Variants in ANGPT1 observed in about 807,000 individuals in gnomAD.
The protein encoded by ANGPT1 is angiopoietin 1, also known as angiopoietin-1.
A neutral mutation model predicts 62.2 loss-of-function variants in ANGPT1; 17 were observed. The observed-to-expected ratio is 0.27, with a 90% confidence interval of 0.19 to 0.41. The LOEUF is 0.41. Among genes scored for constraint, ANGPT1 ranks in the 10% least tolerant of loss-of-function variants. The pLI, the probability that ANGPT1 is intolerant of heterozygous loss-of-function variation, is 1.00. For missense variants in ANGPT1, 478 were observed against 594.9 expected (o/e 0.80, Z 2.04); for synonymous variants, 199 against 198.9 (o/e 1.00, Z 0.00).
intron 6 of ANGPT1, among the ~76,000 whole-genome samples, chr8:107,286,082 ATTC>A (rs1453811620): frequency 2.0e-5 from 3 of 152,144 alleles, no homozygotes; most frequent in African/African-American, 4.8e-5. Flanking sequence ...TTAAAGCACA[ATTC>A]TTGTTGTAGA....
At chr8:107,262,928 T>C (rs527817086) in intron 8 of ANGPT1, among the ~76,000 whole-genome samples, 1 of 152,366 alleles carries the variant, frequency 6.6e-6, no homozygotes, top group East Asian at 1.9e-4. Flanking sequence ...CATTTATAAC[T>C]CTTATTAATA....
At chr8:107,446,714 T>G (rs190860319) in intron 1 of ANGPT1, among the ~76,000 whole-genome samples, 1 of 152,182 alleles carries the variant, frequency 6.6e-6, no homozygotes, top group African/African-American at 2.4e-5. Flanking sequence ...CATTGGAATA[T>G]GGAAAGAATA....
At chr8:107,363,387 G>C (rs1057104118) in intron 1 of ANGPT1, among the ~76,000 whole-genome samples, 3 of 152,184 alleles carry the variant, frequency 2.0e-5, no homozygotes, top group Admixed American at 2.0e-4. Context: ...TTATCAATAA[G>C]AAGACAATGA....
In ANGPT1 at chr8:107,410,051, G is replaced by A. The variant is rs560036086; in HGVS notation, c.298-62954C>T. ...AATAGGAAAGTTATGCCAGACCCAG[G>A]GGGAAATAATCAGGGCCAAGTGGGC... On this transcript the variant is annotated intron_variant, in intron 1 of 8. Transcript: ENST00000517746. Among the ~76,000 whole-genome samples, 4 of 152,216 alleles carry A rather than the reference G, an allele frequency of 2.6e-5. No individual in the cohort carries two copies. In the South Asian group the frequency reaches 8.3e-4, roughly 32 times the overall value.
chr8:107,463,254 T>C (rs1586343735), intron 1 of ANGPT1, among the ~76,000 whole-genome samples: 1 of 152,210 alleles, frequency 6.6e-6, no homozygotes, highest in East Asian at 1.9e-4. Flanking sequence ...CCGAGTGAGC[T>C]TGGAAGCAAT....
At chr8:107,255,787 T>TA (rs140480032) in intron 8 of ANGPT1, among the ~76,000 whole-genome samples, 32,249 of 152,040 alleles carry the variant, frequency 0.21, 3,695 homozygotes, top group East Asian at 0.32. Flanking sequence ...TTACAGCCTG[T>TA]AAAATCCTAC....
At chr8:107,293,800 G>T in intron 6 of ANGPT1, 136 bp downstream of exon 6, 1 of 621,062 alleles carries the variant, frequency 1.6e-6, no homozygotes, top group Non-Finnish European at 2.7e-6. Context: ...TGTGTCTAAT[G>T]AAAATAATAC....
chr8:107,349,469 G>A (rs1325694897), intron 1 of ANGPT1, among the ~76,000 whole-genome samples: 1 of 152,046 alleles, frequency 6.6e-6, no homozygotes, highest in East Asian at 1.9e-4. Flanking sequence ...GGGAATTTGA[G>A]GTTATACATG....
At chr8:107,419,116 A>G (rs1810829267) in intron 1 of ANGPT1, among the ~76,000 whole-genome samples, 1 of 152,128 alleles carries the variant, frequency 6.6e-6, no homozygotes, top group African/African-American at 2.4e-5. Context: ...AGATGAAGAA[A>G]GACAGTGGGG....
chr8:107,353,066 T>C (rs1369431617), intron 1 of ANGPT1, among the ~76,000 whole-genome samples: 1 of 152,230 alleles, frequency 6.6e-6, no homozygotes, highest in Non-Finnish European at 1.5e-5. Context: ...GAAATATAAT[T>C]GTCTTTTTAG....
At chr8:107,432,414 C>T (rs1276832426) in intron 1 of ANGPT1, among the ~76,000 whole-genome samples, 1 of 152,118 alleles carries the variant, frequency 6.6e-6, no homozygotes, top group Non-Finnish European at 1.5e-5. Context: ...CCTGTAATCC[C>T]AGCACTTTGG....
chr8:107,441,274 T>A (rs6469113), intron 1 of ANGPT1, among the ~76,000 whole-genome samples: 60,854 of 152,020 alleles, frequency 0.4, 12,492 homozygotes, highest in Middle Eastern at 0.5. Flanking sequence ...TCATATAATA[T>A]TGTTTTCCTA....
intron 2 of ANGPT1, among the ~76,000 whole-genome samples, chr8:107,345,492 G>A (rs1815785407): frequency 6.6e-6 from 1 of 151,892 alleles, no homozygotes; most frequent in South Asian, 2.1e-4. Context: ...TGTTTTAGGG[G>A]ATAAAAAAAT....
intron 5 of ANGPT1, among the ~76,000 whole-genome samples, chr8:107,297,525 T>G (rs1814444452): frequency 6.7e-6 from 1 of 150,308 alleles, no homozygotes; most frequent in Non-Finnish European, 1.5e-5. Context: ...TCTATGTATA[T>G]AATGTAATAT....
intron 3 of ANGPT1, among the ~76,000 whole-genome samples, 181 bp from the exon 4 acceptor site, chr8:107,322,309 G>A (rs899071607): frequency 2.7e-5 from 4 of 145,976 alleles, no homozygotes; most frequent in East Asian, 2.0e-4. Flanking sequence ...CATATAACAT[G>A]TCAAATAAAA....
At chr8:107,471,278 A>G (rs1045222024) in intron 1 of ANGPT1, among the ~76,000 whole-genome samples, 2 of 152,136 alleles carry the variant, frequency 1.3e-5, no homozygotes, top group Non-Finnish European at 2.9e-5. Context: ...CATCATTCTC[A>G]GCTTTCTGTG....
At chr8:107,261,481 G>A (rs546589444) in intron 8 of ANGPT1, among the ~76,000 whole-genome samples, 184 of 152,024 alleles carry the variant, frequency 1.2e-3, no homozygotes, top group African/African-American at 4.0e-3. Flanking sequence ...CGAGGCGGTC[G>A]GATCATGAGG....
chr8:107,486,477 T>C (rs948717691), intron 1 of ANGPT1, among the ~76,000 whole-genome samples: 3 of 152,154 alleles, frequency 2.0e-5, no homozygotes, highest in Non-Finnish European at 4.4e-5. Context: ...TTTCCAATGG[T>C]CTCAACAGTT....
chr8:107,250,965 TA>T lies in ANGPT1; in HGVS notation c.*889del, dbSNP rs1267502996. 6.6e-6 allele frequency: 1 copy of T among 152,128 alleles called. No individual in the cohort carries two copies. Among genetic ancestry groups the T allele is most frequent in the Non-Finnish European group, 1.5e-5 (1 of 68,010 alleles). 9.4% of individuals were successfully genotyped at this position (152,128 alleles called of 1,614,324 possible). On this transcript the variant is annotated 3_prime_UTR_variant, in exon 9 of 9. Transcript: ENST00000517746. ...CTTTCCTGTATAATATCAAAGGAAATATTAAATGCATGTATATTATTTTAAG... is the reference window on the plus strand; with the variant it reads ...CTTTCCTGTATAATATCAAAGGAAATTTAAATGCATGTATATTATTTTAAG...
Sources: gnomAD v4.1 joint callset for allele counts (sites outside exome capture counted in the v4.1 genomes callset) on GRCh38, gnomAD v4.1.1 for gene constraint, MANE v1.5 for transcripts, NCBI Gene and HGNC (gene_info 2026-07-23, HGNC 2026-07-21) for gene names.